The following LRRFIP2 variants were observed in gnomAD, a reference collection of about 807,000 sequenced individuals.
LRRFIP2 encodes LRR binding FLII interacting protein 2.
A neutral mutation model predicts 125.9 loss-of-function variants in LRRFIP2; 109 were observed. That is an observed-to-expected ratio of 0.87 (90% CI 0.74 to 1.01). The LOEUF is 1.01. LRRFIP2 is among the 50% of genes least tolerant of loss of function. LRRFIP2 has a pLI of 0.00. For missense variants in LRRFIP2, 850 were observed against 862.3 expected, an observed-to-expected ratio of 0.99 and a Z score of 0.18; for synonymous variants, 291 against 293.1, an observed-to-expected ratio of 0.99 and a Z score of 0.07.
At chr3:37,126,282 G>A (rs1421155813) in intron 4 of LRRFIP2, among the ~76,000 whole-genome samples, 5 of 151,948 alleles carry the variant, frequency 3.3e-5, no homozygotes, top group African/African-American at 7.3e-5. Context: ...CACCTGCCTC[G>A]GCCTCCCAAA....
intron 19 of LRRFIP2, among the ~76,000 whole-genome samples, chr3:37,077,157 T>C (rs1269107015): frequency 6.6e-6 from 1 of 152,180 alleles, no homozygotes; most frequent in Non-Finnish European, 1.5e-5. Context: ...CAAAACTACA[T>C]ACCTTTCGAC....
intron 10 of LRRFIP2, 25 bp from the exon 11 acceptor site, chr3:37,109,596 C>A: frequency 6.2e-7 from 1 of 1,613,982 alleles, no homozygotes; most frequent in Non-Finnish European, 8.5e-7. Context: ...TATTATTAAA[C>A]CCCAAAAAAA....
intron 15 of LRRFIP2, among the ~76,000 whole-genome samples, chr3:37,100,061 A>G (rs758604887): frequency 6.6e-6 from 1 of 152,190 alleles, no homozygotes; most frequent in Non-Finnish European, 1.5e-5. Context: ...GTTGGACTAC[A>G]GCATACCCTT....
chr3:37,135,362 G>A (rs2095532073), intron 2 of LRRFIP2, among the ~76,000 whole-genome samples: 2 of 151,752 alleles, frequency 1.3e-5, no homozygotes, highest in South Asian at 4.2e-4. Flanking sequence ...GCGAGCCTGA[G>A]GCAGGGGAAT....
chr3:37,106,916 T>TG (rs921385872), intron 13 of LRRFIP2, among the ~76,000 whole-genome samples: 1 of 151,760 alleles, frequency 6.6e-6, no homozygotes. Context: ...ATTTTTTTTT[T>TG]TTTTTGAGAT....
chr3:37,152,606 G>A (rs2096065611), intron 1 of LRRFIP2, among the ~76,000 whole-genome samples: 1 of 152,048 alleles, frequency 6.6e-6, no homozygotes, highest in South Asian at 2.1e-4. Flanking sequence ...ACCATACCTG[G>A]CTAATTTTGT....
chr3:37,082,606 C>T lies in LRRFIP2; in HGVS notation c.1278+1030G>A, dbSNP rs150014329. ...ATGGTTTTGGACAAATGTATCCATACATGTATCCATAATAACATGTATCCA... is the reference window on the plus strand; with the variant it reads ...ATGGTTTTGGACAAATGTATCCATATATGTATCCATAATAACATGTATCCA... On this transcript the variant is annotated intron_variant, in intron 19 of 27. Coordinates refer to ENST00000336686, the MANE Select transcript of LRRFIP2 (RefSeq NM_006309.4). Among the ~76,000 whole-genome samples the T allele has an allele frequency of 4.1e-4, 63 of 152,294 alleles. 1 individual carries two copies. The East Asian group carries it at 0.011, about 26-fold the overall frequency.
At chr3:37,110,909 G>A in intron 9 of LRRFIP2, 82 bp downstream of exon 9, 1 of 1,266,952 alleles carries the variant, frequency 7.9e-7, no homozygotes. Context: ...ATTAGTTACA[G>A]CTAGTCAAAA....
intron 1 of LRRFIP2, among the ~76,000 whole-genome samples, chr3:37,165,800 AGAAAGAAAGAAAGAAAG>A (rs2096468134): frequency 5.0e-4 from 20 of 40,274 alleles, no homozygotes; most frequent in Admixed American, 1.0e-3. Context: ...AGAAAGAGAA[AGAAAGAAAGAAAGAAAG>A]AAAGAAAGAA....
At chr3:37,067,322 T>C (rs1168298737) in intron 21 of LRRFIP2, 1 of 152,096 alleles carries the variant, frequency 6.6e-6, no homozygotes, top group African/African-American at 2.4e-5. Context: ...AAATCTACTA[T>C]GAAAAAATAA....
chr3:37,126,869 AAAG>A (rs1390381864), intron 4 of LRRFIP2, among the ~76,000 whole-genome samples: 23 of 58,492 alleles, frequency 3.9e-4, no homozygotes, highest in Non-Finnish European at 7.6e-4. Context: ...CAAAAAAAAA[AAAG>A]AAAGAAAGAA....
At chr3:37,084,142 T>G (rs935772234) in intron 18 of LRRFIP2, among the ~76,000 whole-genome samples, 13 of 152,160 alleles carry the variant, frequency 8.5e-5, no homozygotes, top group African/African-American at 3.1e-4. Flanking sequence ...ATTTTACTCT[T>G]ATAATTTTAA....
intron 2 of LRRFIP2, among the ~76,000 whole-genome samples, chr3:37,141,513 T>C (rs984812055): frequency 1.3e-5 from 2 of 152,256 alleles, no homozygotes; most frequent in Admixed American, 6.5e-5. Context: ...AGGCTGTTTA[T>C]GGTGATACAT....
intron 21 of LRRFIP2, 105 bp from the exon 22 acceptor site, chr3:37,066,430 A>C: frequency 2.3e-6 from 2 of 851,556 alleles, no homozygotes; most frequent in Non-Finnish European, 4.0e-6. Context: ...AAGGCATAAA[A>C]AGCAAGAAAG....
intron 4 of LRRFIP2, among the ~76,000 whole-genome samples, chr3:37,122,965 A>G (rs1269485124): frequency 6.6e-6 from 1 of 152,208 alleles, no homozygotes; most frequent in Non-Finnish European, 1.5e-5. Flanking sequence ...CTGACTGAAA[A>G]TCTATACATT....
At chr3:37,095,190 G>A (rs2093658624) in intron 16 of LRRFIP2, among the ~76,000 whole-genome samples, 1 of 152,164 alleles carries the variant, frequency 6.6e-6, no homozygotes, top group African/African-American at 2.4e-5. Context: ...TATTTTCTAA[G>A]TTTATCTTTG....
At chr3:37,154,881 G>A (rs1261671390) in intron 1 of LRRFIP2, among the ~76,000 whole-genome samples, 1 of 152,208 alleles carries the variant, frequency 6.6e-6, no homozygotes, top group Non-Finnish European at 1.5e-5. Flanking sequence ...CTGATAGATA[G>A]TTCTTTTATA....
intron 2 of LRRFIP2, chr3:37,134,565 CA>C (rs1250383269): frequency 2.1e-6 from 1 of 477,548 alleles, no homozygotes; most frequent in Admixed American, 2.4e-5. Context: ...TGAGATGAGA[CA>C]ATGCTGTCCC....
chr3:37,160,353 T>G (rs2096303483), intron 1 of LRRFIP2, among the ~76,000 whole-genome samples: 1 of 152,104 alleles, frequency 6.6e-6, no homozygotes, highest in Non-Finnish European at 1.5e-5. Context: ...GAAAACCCAC[T>G]AACTCAGAAG....
Sources: gnomAD v4.1 joint callset for allele counts (sites outside exome capture counted in the v4.1 genomes callset) on GRCh38, gnomAD v4.1.1 for gene constraint, MANE v1.5 for transcripts, NCBI Gene and HGNC (gene_info 2026-07-23, HGNC 2026-07-21) for gene names.